The following GPC5 variants were observed in gnomAD, a reference collection of about 807,000 sequenced individuals.
GPC5 encodes the protein glypican 5, also known as glypican-5.
GPC5 carries 47 observed loss-of-function variants against 53.9 expected under a neutral mutation model. That is an observed-to-expected ratio of 0.87 (90% CI 0.69 to 1.11). The LOEUF (loss-of-function observed/expected upper bound fraction) is 1.11. Among genes scored for constraint, GPC5 ranks in the 50% most tolerant of loss-of-function variants. GPC5 has a pLI of 0.00. For missense variants in GPC5, 748 were observed against 713.1 expected (o/e 1.05, Z -0.56); for synonymous variants, 286 against 263.3 (o/e 1.09, Z -0.84).
At chr13:92,393,492 A>G (rs1413919955) in intron 7 of GPC5, among the ~76,000 whole-genome samples, 2 of 152,124 alleles carry the variant, frequency 1.3e-5, no homozygotes, top group Non-Finnish European at 2.9e-5. Flanking sequence ...TCTACTAAAA[A>G]TTCAAAATTA....
At chr13:91,463,079 C>T (rs1486111716) in intron 2 of GPC5, among the ~76,000 whole-genome samples, 2 of 151,912 alleles carry the variant, frequency 1.3e-5, no homozygotes, top group Non-Finnish European at 2.9e-5. Flanking sequence ...GGGATTTGTT[C>T]CAGGACCCCC....
At chr13:92,498,305 C>A (rs1880052223) in intron 7 of GPC5, among the ~76,000 whole-genome samples, 2 of 152,060 alleles carry the variant, frequency 1.3e-5, no homozygotes, top group South Asian at 4.1e-4. Flanking sequence ...GCTTTTAGCA[C>A]TTAGGAGGGG....
intron 2 of GPC5, among the ~76,000 whole-genome samples, chr13:91,627,782 T>C (rs1014121732): frequency 3.9e-5 from 6 of 152,122 alleles, no homozygotes; most frequent in African/African-American, 1.4e-4. Flanking sequence ...CTGTAGCATT[T>C]TGATGCCTGT....
chr13:91,846,203 C>T (rs1461018217), intron 5 of GPC5, among the ~76,000 whole-genome samples: 1 of 151,976 alleles, frequency 6.6e-6, no homozygotes, highest in Non-Finnish European at 1.5e-5. Context: ...CCCATATGAC[C>T]TGCTAAATCA....
chr13:91,817,939 A>G (rs2038425889), intron 5 of GPC5, among the ~76,000 whole-genome samples: 1 of 151,558 alleles, frequency 6.6e-6, no homozygotes, highest in East Asian at 1.9e-4. Context: ...CTATAATTGG[A>G]TTTTTGTGTT....
intron 2 of GPC5, among the ~76,000 whole-genome samples, chr13:91,673,617 G>A (rs898977954): frequency 2.6e-5 from 4 of 152,048 alleles, no homozygotes; most frequent in Non-Finnish European, 5.9e-5. Flanking sequence ...TGTGAAACCG[G>A]TGCAGGAAAT....
At chr13:92,717,078 G>A (rs1888358141) in intron 7 of GPC5, among the ~76,000 whole-genome samples, 1 of 151,450 alleles carries the variant, frequency 6.6e-6, no homozygotes, top group African/African-American at 2.4e-5. Context: ...GCTGTGAAGG[G>A]CAAGACCGTA....
At chr13:91,538,109 A>T (rs542573172) in intron 2 of GPC5, among the ~76,000 whole-genome samples, 1 of 152,358 alleles carries the variant, frequency 6.6e-6, no homozygotes, top group Admixed American at 6.5e-5. Flanking sequence ...TCTTCATTAA[A>T]GTATGAGCTG....
chr13:92,864,471 C>T lies in GPC5; in HGVS notation c.1562-1811C>T, dbSNP rs1879280533. On this transcript the variant is annotated intron_variant, in intron 7 of 7. Coordinates refer to ENST00000377067, the MANE Select transcript of GPC5 (RefSeq NM_004466.6). ...ATAAGCTCAGAATGGCATAAGAAAA[C>T]CTTATTCATGGATCCCATCCAAACA... Among the ~76,000 whole-genome samples the T allele has an allele frequency of 2.6e-5, 4 of 151,986 alleles. No individual in the cohort carries two copies. The South Asian group carries it at 8.3e-4, about 31-fold the overall frequency.
chr13:92,791,323 G>A (rs1454159645), intron 7 of GPC5, among the ~76,000 whole-genome samples: 2 of 151,006 alleles, frequency 1.3e-5, no homozygotes, highest in African/African-American at 4.9e-5. Flanking sequence ...GAGTTAAAGA[G>A]TTGCCAAGAG....
chr13:92,517,986 C>T (rs1371161445), intron 7 of GPC5, among the ~76,000 whole-genome samples: 9 of 152,224 alleles, frequency 5.9e-5, no homozygotes, highest in Middle Eastern at 3.4e-3. Flanking sequence ...CCTTAAATGA[C>T]CTGATGGAGC....
intron 4 of GPC5, among the ~76,000 whole-genome samples, chr13:91,736,435 A>G (rs2036816427): frequency 6.6e-6 from 1 of 151,370 alleles, no homozygotes; most frequent in Non-Finnish European, 1.5e-5. Context: ...TTTTTCCACA[A>G]TCTTTTTTTT....
chr13:92,351,696 T>C (rs1399164454), intron 7 of GPC5, among the ~76,000 whole-genome samples: 1 of 152,130 alleles, frequency 6.6e-6, no homozygotes, highest in Non-Finnish European at 1.5e-5. Context: ...GAAATTTCAG[T>C]TGCATTTCTA....
chr13:91,733,767 T>C (rs2036754348), intron 4 of GPC5, among the ~76,000 whole-genome samples: 1 of 152,196 alleles, frequency 6.6e-6, no homozygotes, highest in Non-Finnish European at 1.5e-5. Flanking sequence ...AATCATGTTA[T>C]CTGAAAACAG....
chr13:92,833,901 T>TA (rs554394771), intron 7 of GPC5, among the ~76,000 whole-genome samples: 185 of 152,240 alleles, frequency 1.2e-3, no homozygotes, highest in African/African-American at 4.1e-3. Context: ...AACAAGATTA[T>TA]AGAAGGCTTT....
intron 7 of GPC5, among the ~76,000 whole-genome samples, chr13:92,475,334 G>A (rs1389084305): frequency 1.3e-4 from 19 of 147,410 alleles, no homozygotes; most frequent in Non-Finnish European, 2.5e-4. Flanking sequence ...CTACCCATGA[G>A]CATGGAATGT....
At chr13:92,047,701 G>A (rs1361358450) in intron 6 of GPC5, among the ~76,000 whole-genome samples, 2 of 148,656 alleles carry the variant, frequency 1.3e-5, no homozygotes, top group Non-Finnish European at 3.0e-5. Flanking sequence ...ATTAAGAAAT[G>A]ACGTATTTCC....
chr13:92,416,894 T>C (rs1014530128), intron 7 of GPC5, among the ~76,000 whole-genome samples: 1 of 152,126 alleles, frequency 6.6e-6, no homozygotes, highest in Non-Finnish European at 1.5e-5. Context: ...CCATTTAAAA[T>C]ACAAATGTAT....
At chr13:91,726,680 A>G (rs956925539) in intron 3 of GPC5, among the ~76,000 whole-genome samples, 4 of 152,172 alleles carry the variant, frequency 2.6e-5, no homozygotes, top group African/African-American at 9.6e-5. Flanking sequence ...TCTCTATCAA[A>G]TCCATATCCA....
Sources: gnomAD v4.1 joint callset for allele counts (sites outside exome capture counted in the v4.1 genomes callset) on GRCh38, gnomAD v4.1.1 for gene constraint, MANE v1.5 for transcripts, NCBI Gene and HGNC (gene_info 2026-07-23, HGNC 2026-07-21) for gene names.